NUDT5: variants seen among roughly 807,000 people sequenced by gnomAD.
NUDT5 encodes the protein ADP-sugar pyrophosphatase.
NUDT5 carries 21 observed loss-of-function variants against 34.1 expected under a neutral mutation model. The ratio of observed to expected loss-of-function variants is 0.62; its 90% CI spans 0.44 to 0.89. The LOEUF (loss-of-function observed/expected upper bound fraction) is 0.89, where lower values mean the gene tolerates loss of function less well. Among genes scored for constraint, NUDT5 ranks in the 40% least tolerant of loss-of-function variants. The pLI is 0.00. For missense variants in NUDT5, 249 were observed against 274.8 expected, an observed-to-expected ratio of 0.91 and a Z score of 0.66; for synonymous variants, 85 against 97.6, an observed-to-expected ratio of 0.87 and a Z score of 0.76.
chr10:12,194,340 T>C (rs1028098387), intron 1 of NUDT5, among the ~76,000 whole-genome samples: 1 of 152,252 alleles, frequency 6.6e-6, no homozygotes, highest in African/African-American at 2.4e-5. Context: ...AATTTTTTAC[T>C]TTCTAAGTCA....
In NUDT5 at chr10:12,170,196, A is replaced by G. The variant is rs1203648599; in HGVS notation, c.550+521T>C. Reference sequence around the variant, plus strand: ...GCCAAGAATTATACAATGCATCTACATGACCAGTGATTTCTAAGGGCCACA... The same window carrying G: ...GCCAAGAATTATACAATGCATCTACGTGACCAGTGATTTCTAAGGGCCACA... On this transcript the variant is annotated intron_variant, in intron 9 of 9. Transcript: ENST00000491614. This position sits in a 1 kb window ranked among gnomAD's most constrained non-coding sequence, Gnocchi z 4.9. 6.2e-7 allele frequency: 1 copy of G among 1,612,020 alleles called. No homozygotes were observed. The highest frequency in any genetic ancestry group is 1.3e-5 in the African/African-American group (1 of 75,048).
chr10:12,186,635 T>G (rs1295538061), intron 1 of NUDT5, among the ~76,000 whole-genome samples: 2 of 138,818 alleles, frequency 1.4e-5, no homozygotes, highest in South Asian at 4.6e-4. Context: ...TTTTTTTCTT[T>G]TTTGTTTTTT....
At position 12,181,673 on chromosome 10, in the gene NUDT5, C is replaced by T. The variant is rs781063190; in HGVS notation, c.132-2541G>A. On this transcript the variant is annotated intron_variant, in intron 3 of 9. Coordinates refer to ENST00000491614, the MANE Select transcript of NUDT5 (RefSeq NM_014142.4). This position sits in a 1 kb window ranked among gnomAD's most constrained non-coding sequence, Gnocchi z 5.0. ...GGGAGTACCTGCAGAGGGAAGTCGC[C>T]GTGTGCGTGCAAAGGATATATCGGG... 1.3e-5 allele frequency among the ~76,000 whole-genome samples: 2 copies of T among 151,888 alleles called. No homozygotes were observed. The highest frequency in any genetic ancestry group is 2.1e-4 in the South Asian group (1 of 4,808).
rs181852473 is a variant in NUDT5, at chr10:12,193,756, T to C, written c.-42+2014A>G. Among the ~76,000 whole-genome samples the C allele has an allele frequency of 2.0e-5, 3 of 152,334 alleles. No individual in the cohort carries two copies. The East Asian group carries it at 5.8e-4, about 29-fold the overall frequency. On this transcript the variant is annotated intron_variant, in intron 1 of 9. Transcript: ENST00000491614. ...ATACTGCCTGAATAAAAGGTATCTA[T>C]AAAAATTCCTTCCCTGTAGTATCTA...
Position 12,173,056 on chromosome 10 carries a change from C to T in NUDT5, c.386-190G>A, listed in dbSNP as rs1469774980. Among the ~76,000 whole-genome samples, 1 of 152,196 alleles carries T rather than the reference C, an allele frequency of 6.6e-6. No individual in the cohort carries two copies. The highest frequency in any genetic ancestry group is 1.5e-5 in the Non-Finnish European group (1 of 68,038). On this transcript the variant is annotated intron_variant, in intron 6 of 9. Transcript: ENST00000491614. This position sits in a 1 kb window ranked among gnomAD's most constrained non-coding sequence, Gnocchi z 4.7. ...GCACTCACACTCTCCCCAGAGCTCT[C>T]GAGTCAAGCTTGCTAGGTCTGCGGG...
intron 9 of NUDT5, 144 bp from the exon 10 acceptor site, chr10:12,167,955 G>A: frequency 5.0e-6 from 7 of 1,394,146 alleles, no homozygotes; most frequent in East Asian, 2.7e-5. Context: ...TGGTCTATAA[G>A]GATCTTAAAG....
At chr10:12,193,148 T>C (rs1209749323) in intron 1 of NUDT5, among the ~76,000 whole-genome samples, 1 of 152,164 alleles carries the variant, frequency 6.6e-6, no homozygotes, top group Non-Finnish European at 1.5e-5. Flanking sequence ...GTAACGACAC[T>C]GTAAAGATAG....
At chr10:12,172,365 A>G in intron 7 of NUDT5, 1 of 199,300 alleles carries the variant, frequency 5.0e-6, no homozygotes, top group Non-Finnish European at 1.0e-5. Context: ...GGCTTAAGTG[A>G]TCCTCCTGCC....
Position 12,177,779 on chromosome 10 carries a change from G to T in NUDT5, c.289+14C>A. 1 of 1,588,570 alleles carries T rather than the reference G, an allele frequency of 6.3e-7. No homozygotes were observed. Among genetic ancestry groups the T allele is most frequent in the South Asian group, 1.1e-5 (1 of 90,514 alleles). On this transcript the variant is annotated intron_variant, in intron 5 of 9. Transcript: ENST00000491614. ...CAACATCCCTAAGAAGCAATTCGAT[G>T]TTGAGTGACTCACCTGCAGGGAACT...
intron 4 of NUDT5, among the ~76,000 whole-genome samples, chr10:12,178,712 T>C (rs987952033): frequency 3.9e-5 from 6 of 152,194 alleles, no homozygotes; most frequent in Non-Finnish European, 7.3e-5. Context: ...AAGTGGTCCA[T>C]AAGCATGAAG....
chr10:12,177,036 C>T lies in NUDT5; in HGVS notation c.289+757G>A, dbSNP rs527757518. The stretch of plus-strand genomic sequence containing the variant: ...ACTCAGGAGGCTGAGGCAGGAGAAT[C>T]GCTTGAACCCAGGAGGCGGAGGTTG... On this transcript the variant is annotated intron_variant, in intron 5 of 9. Coordinates refer to ENST00000491614, the MANE Select transcript of NUDT5 (RefSeq NM_014142.4). 1.9e-3 allele frequency among the ~76,000 whole-genome samples: 288 copies of T among 151,312 alleles called. 2 individuals are homozygous for T. The highest frequency in any genetic ancestry group is 2.7e-3 in the Non-Finnish European group (183 of 67,782).
intron 1 of NUDT5, among the ~76,000 whole-genome samples, chr10:12,192,032 T>C (rs1835239176): frequency 6.6e-6 from 1 of 152,110 alleles, no homozygotes; most frequent in Admixed American, 6.6e-5. Flanking sequence ...AGGTCTCTCC[T>C]GATAAAAGAT....
chr10:12,177,906 A>T lies in NUDT5; in HGVS notation c.182-6T>A. The T allele has an allele frequency of 1.9e-6, 3 of 1,610,736 alleles. No homozygotes were observed. The highest frequency in any genetic ancestry group is 2.5e-6 in the Non-Finnish European group (3 of 1,176,988). ...CACGGGGATGACCGCGACACCTGTC[A>T]CCAGGAAATGGAACCAAGGAAATCC... On this transcript the variant is annotated splice_region_variant and splice_polypyrimidine_tract_variant and intron_variant, in intron 4 of 9. Coordinates refer to ENST00000491614, the MANE Select transcript of NUDT5 (RefSeq NM_014142.4).
At chr10:12,185,799 AAC>A (rs1027996163) in intron 2 of NUDT5, among the ~76,000 whole-genome samples, 2 of 152,362 alleles carry the variant, frequency 1.3e-5, no homozygotes, top group African/African-American at 4.8e-5. Flanking sequence ...TAAATTGAAT[AAC>A]ACAGAGACAT....
chr10:12,180,742 C>T (rs1248327696), intron 3 of NUDT5, among the ~76,000 whole-genome samples: 2 of 152,198 alleles, frequency 1.3e-5, no homozygotes, highest in Non-Finnish European at 2.9e-5. Context: ...AGGCTCTTCC[C>T]TCCTTTGTAA....
rs1835050078 is a variant in NUDT5 at position 12,181,965 on chromosome 10, C to G, written c.132-2833G>C. Among the ~76,000 whole-genome samples the G allele has an allele frequency of 6.6e-6, 1 of 152,106 alleles. No homozygotes were observed. The highest frequency in any genetic ancestry group is 1.5e-5 in the Non-Finnish European group (1 of 68,014). On this transcript the variant is annotated intron_variant, in intron 3 of 9. Coordinates refer to ENST00000491614, the MANE Select transcript of NUDT5 (RefSeq NM_014142.4). The surrounding 1 kb of genome is among the most constrained non-coding windows in gnomAD (Gnocchi z 5.0). ...ACCATCCTGGCCAACAACACTGCCT[C>G]TACTAAAAATACAAAAATCAGCCAG...
Position 12,169,768 on chromosome 10 carries a change from A to C in NUDT5, c.550+949T>G. 4.1e-6 allele frequency: 1 copy of C among 243,320 alleles called. No individual in the cohort carries two copies. Among genetic ancestry groups the C allele is most frequent in the Non-Finnish European group, 7.8e-6 (1 of 128,102 alleles). 15.1% of individuals were successfully genotyped at this position (243,320 alleles called of 1,614,324 possible). A position where few individuals can be genotyped will look rare whatever the true frequency, so the allele number is the denominator to read the frequency against. The stretch of plus-strand genomic sequence containing the variant: ...TTCAAACAAACAACAGACAATTCAA[A>C]ACCAGGCGCTCTGCTTATTCACTGA... On this transcript the variant is annotated intron_variant, in intron 9 of 9. Coordinates refer to ENST00000491614, the MANE Select transcript of NUDT5 (RefSeq NM_014142.4). The surrounding 1 kb of genome is among the most constrained non-coding windows in gnomAD (Gnocchi z 4.8).
chr10:12,188,220 TC>T (rs1480705262), intron 1 of NUDT5, among the ~76,000 whole-genome samples: 1 of 152,200 alleles, frequency 6.6e-6, no homozygotes, highest in African/African-American at 2.4e-5. Flanking sequence ...GTGAGTCTGC[TC>T]TTTGTTTCTT....
intron 5 of NUDT5, among the ~76,000 whole-genome samples, chr10:12,177,314 T>C (rs1355674243): frequency 6.6e-6 from 1 of 152,002 alleles, no homozygotes; most frequent in African/African-American, 2.4e-5. Flanking sequence ...GGTCAGGAGA[T>C]CGAGACCATC....
Sources: gnomAD v4.1 joint callset for allele counts (sites outside exome capture counted in the v4.1 genomes callset) on GRCh38, gnomAD v4.1.1 for gene constraint, Gnocchi (gnomAD v3.1) non-coding constraint, MANE v1.5 for transcripts, NCBI Gene and HGNC (gene_info 2026-07-23, HGNC 2026-07-21) for gene names.